VAV2: variants seen among roughly 807,000 people sequenced by gnomAD.
VAV2 encodes the protein vav guanine nucleotide exchange factor 2, also known as guanine nucleotide exchange factor VAV2.
A neutral mutation model predicts 132.5 loss-of-function variants in VAV2; 67 were observed. The observed-to-expected ratio is 0.51, with a 90% CI of 0.42 to 0.62. VAV2 has a LOEUF of 0.62. Among genes scored for constraint, VAV2 ranks in the 20% least tolerant of loss-of-function variants. The probability of loss-of-function intolerance (pLI) is 0.00; values close to 1 mark genes in which losing one functional copy is unlikely to be tolerated. For synonymous variants in VAV2, 492 were observed against 443.5 expected (o/e 1.11, Z -1.37); for missense variants, 938 against 1,153.6 (o/e 0.81, Z 2.71).
At chr9:133,822,796 G>T (rs1276203039) in intron 4 of VAV2, among the ~76,000 whole-genome samples, 1 of 148,038 alleles carries the variant, frequency 6.8e-6, no homozygotes. Flanking sequence ...AAAATATTCA[G>T]GAACCAAAAA....
At chr9:133,971,712 G>T (rs1312276454) in intron 1 of VAV2, among the ~76,000 whole-genome samples, 1 of 152,152 alleles carries the variant, frequency 6.6e-6, no homozygotes, top group Admixed American at 6.5e-5. Flanking sequence ...GCTGGTCCAG[G>T]GTGTGGGCTG....
In VAV2 at chr9:133,777,403, G is replaced by A. The variant is rs752274958; in HGVS notation, c.1951C>T (p.Pro651Ser). The change falls in exon 23 of 30, where the codon CCT becomes TCT. Residue 651 changes from proline to serine, a missense_variant. By Grantham distance (74) the Pro-to-Ser change is moderately conservative. Coordinates refer to ENST00000371850, the MANE Select transcript of VAV2 (RefSeq NM_001134398.2). ...YFPSSSVKPC[P>S]VDGRPPISRP... Reference sequence around the variant, plus strand: ...AAAGGACTCACCCTTCCATCCACAGGGCAGGGCTTCACAGATGAGCTGGGG... The same window carrying A: ...AAAGGACTCACCCTTCCATCCACAGAGCAGGGCTTCACAGATGAGCTGGGG... The A allele has an allele frequency of 3.0e-5, 48 of 1,613,654 alleles. 1 individual carries two copies. In the South Asian group the frequency reaches 4.6e-4, roughly 16 times the overall value.
rs1381343202 is a variant in VAV2, at chr9:133,912,201, C to T, written c.321+26902G>A. On this transcript the variant is annotated intron_variant, in intron 2 of 29. Transcript: ENST00000371850. This position sits in a 1 kb window ranked among gnomAD's most constrained non-coding sequence, Gnocchi z 4.3. ...GGCTACAGTCCCGGCCTCCAACACA[C>T]GTGGGAGAAGGGCTGACAACCAGGA... Among the ~76,000 whole-genome samples, 2 of 152,208 alleles carry T rather than the reference C, an allele frequency of 1.3e-5. No individual in the cohort carries two copies. Among genetic ancestry groups the T allele is most frequent in the South Asian group, 2.1e-4 (1 of 4,830 alleles).
chr9:133,775,492 CA>C (rs1315308955), intron 24 of VAV2, among the ~76,000 whole-genome samples: 1 of 152,154 alleles, frequency 6.6e-6, no homozygotes, highest in Admixed American at 6.5e-5. Flanking sequence ...TGGAGATTGC[CA>C]ACATCCATGT....
At chr9:133,865,068 A>C (rs1159903880) in intron 2 of VAV2, among the ~76,000 whole-genome samples, 2 of 152,210 alleles carry the variant, frequency 1.3e-5, no homozygotes, top group African/African-American at 4.8e-5. Context: ...GTGCTCCCAG[A>C]GCCCAGGCAC....
intron 19 of VAV2, 79 bp downstream of exon 19, chr9:133,783,424 G>A (rs1464203012): frequency 7.0e-7 from 1 of 1,419,544 alleles, no homozygotes; most frequent in African/African-American, 1.4e-5. Flanking sequence ...GGTGCCCGAG[G>A]CCCGTACCCA....
At chr9:133,861,290 C>A in intron 3 of VAV2, 84 bp downstream of exon 3, 1 of 1,450,494 alleles carries the variant, frequency 6.9e-7, no homozygotes, top group East Asian at 2.5e-5. Flanking sequence ...CATCTGCTTC[C>A]AACCCCAGTA....
chr9:133,771,062 CTTTT>C (rs148597917), intron 26 of VAV2, among the ~76,000 whole-genome samples: 3 of 117,700 alleles, frequency 2.5e-5, no homozygotes, highest in Non-Finnish European at 1.7e-5. Context: ...TATGGATTTT[CTTTT>C]TTTTTTTTTT....
chr9:133,856,747 T>A (rs1837399231), intron 3 of VAV2, among the ~76,000 whole-genome samples: 1 of 152,178 alleles, frequency 6.6e-6, no homozygotes, highest in Non-Finnish European at 1.5e-5. Context: ...CCTTACCTTT[T>A]CCAGCTTCCG....
rs1394598680 is a variant in VAV2 at position 133,833,428 on chromosome 9, A to G, written c.449+844T>C. Among the ~76,000 whole-genome samples the G allele has an allele frequency of 2.0e-5, 3 of 152,176 alleles. No homozygotes were observed. The East Asian group carries it at 5.8e-4, about 29-fold the overall frequency. On this transcript the variant is annotated intron_variant, in intron 4 of 29. Transcript: ENST00000371850. This position sits in a 1 kb window ranked among gnomAD's most constrained non-coding sequence, Gnocchi z 5.6. ...CTAAGAGTCTTCCAGAAGAAACCGT[A>G]GTTGAGCTAAGAACACACAAGCTGC...
chr9:133,874,095 G>A (rs1838168033), intron 2 of VAV2, among the ~76,000 whole-genome samples: 1 of 152,228 alleles, frequency 6.6e-6, no homozygotes, highest in African/African-American at 2.4e-5. Flanking sequence ...TCTGGCAGCA[G>A]AGCCCGGCTC....
chr9:133,771,370 T>G (rs993282359), intron 26 of VAV2, among the ~76,000 whole-genome samples: 1 of 152,148 alleles, frequency 6.6e-6, no homozygotes, highest in Non-Finnish European at 1.5e-5. Context: ...AGCCCGAGAT[T>G]ATGGATTTCT....
At position 133,788,435 on chromosome 9, in the gene VAV2, G is replaced by A. The variant is rs771166805; in HGVS notation, c.1326C>T (p.Tyr442=). 4 of 1,612,480 alleles carry A rather than the reference G, an allele frequency of 2.5e-6. No individual in the cohort carries two copies. Among genetic ancestry groups the A allele is most frequent in the Non-Finnish European group, 3.4e-6 (4 of 1,178,698 alleles). The change falls in exon 15 of 30, where the codon TAC becomes TAT. Residue 442 remains tyrosine (Y), a synonymous_variant. Coordinates refer to ENST00000371850, the MANE Select transcript of VAV2 (RefSeq NM_001134398.2). This position sits in a 1 kb window ranked among gnomAD's most constrained non-coding sequence, Gnocchi z 5.3. ...KVVIVCKRKG[Y]SYELKEIIEL... ...CGATGATCTCCTTGAGCTCGTAGCT[G>A]TAGCCCTTCCGCTTGCAGACGATGA...
chr9:133,966,979 A>G (rs1338906115), intron 1 of VAV2, among the ~76,000 whole-genome samples: 2 of 149,862 alleles, frequency 1.3e-5, no homozygotes, highest in Admixed American at 6.7e-5. Flanking sequence ...AGGTGGCAGT[A>G]AGCCAAGATT....
intron 4 of VAV2, among the ~76,000 whole-genome samples, chr9:133,814,487 C>T (rs1314584537): frequency 1.3e-5 from 2 of 152,240 alleles, no homozygotes; most frequent in Admixed American, 1.3e-4. Context: ...GGCTGCTGAA[C>T]GAGACAACTC....
At chr9:133,839,998 CG>C (rs1564396180) in intron 3 of VAV2, among the ~76,000 whole-genome samples, 1 of 152,058 alleles carries the variant, frequency 6.6e-6, no homozygotes, top group African/African-American at 2.4e-5. Flanking sequence ...TCCCCGCCCC[CG>C]AGGCCATCTT....
intron 1 of VAV2, among the ~76,000 whole-genome samples, chr9:133,949,666 C>G (rs981314617): frequency 7.9e-5 from 12 of 152,216 alleles, no homozygotes; most frequent in Non-Finnish European, 1.5e-5. Context: ...TCAGAGGGCC[C>G]AGCCAGCTGT....
chr9:133,810,810 C>T (rs574960671), intron 5 of VAV2, among the ~76,000 whole-genome samples: 96 of 152,314 alleles, frequency 6.3e-4, no homozygotes, highest in African/African-American at 2.0e-3. Flanking sequence ...ATGGGGGTCT[C>T]GAGAAAGAGA....
intron 26 of VAV2, among the ~76,000 whole-genome samples, chr9:133,771,500 T>TA (rs547500740): frequency 1.5e-4 from 23 of 152,202 alleles, no homozygotes; most frequent in Non-Finnish European, 2.2e-4. Flanking sequence ...GGCATAACTT[T>TA]AAAATCATTT....
Sources: allele counts gnomAD v4.1 joint callset (sites outside exome capture counted in the v4.1 genomes callset), GRCh38; gene constraint gnomAD v4.1.1; non-coding constraint Gnocchi (gnomAD v3.1); transcripts MANE v1.5; gene names NCBI Gene and HGNC (gene_info 2026-07-23, HGNC 2026-07-21).